ITPK1: variants seen among roughly 807,000 people sequenced by gnomAD.
The protein encoded by ITPK1 is inositol-tetrakisphosphate 1-kinase, also known as inositol 1,3,4-trisphosphate 5/6-kinase.
ITPK1 carries 21 observed loss-of-function variants against 45.3 expected under a neutral mutation model. The observed-to-expected ratio is 0.46, with a 90% CI of 0.33 to 0.67. The LOEUF is 0.67. ITPK1 is among the 30% of genes least tolerant of loss of function. ITPK1 has a pLI of 0.02. For missense variants in ITPK1, 474 were observed against 573.5 expected (o/e 0.83, Z 1.77); for synonymous variants, 258 against 253.6 (o/e 1.02, Z -0.16).
intron 5 of ITPK1, among the ~76,000 whole-genome samples, chr14:92,993,527 G>A (rs919308155): frequency 6.6e-6 from 1 of 152,124 alleles, no homozygotes; most frequent in Non-Finnish European, 1.5e-5. Context: ...TGTCCTCCGC[G>A]CAGTTACGTA....
At chr14:93,028,267 G>A (rs558102466) in intron 3 of ITPK1, among the ~76,000 whole-genome samples, 3 of 152,326 alleles carry the variant, frequency 2.0e-5, no homozygotes, top group South Asian at 4.1e-4. Flanking sequence ...ATAACCTGAT[G>A]GAGTGAACAC....
At position 93,012,228 on chromosome 14, in the gene ITPK1, T is replaced by C. The variant is rs534681758; in HGVS notation, c.246+4448A>G. Among the ~76,000 whole-genome samples the C allele has an allele frequency of 2.0e-5, 3 of 152,120 alleles. No homozygotes were observed. Among genetic ancestry groups the C allele is most frequent in the African/African-American group, 2.4e-5 (1 of 41,410 alleles). On this transcript the variant is annotated intron_variant, in intron 4 of 10. Coordinates refer to ENST00000267615, the MANE Select transcript of ITPK1 (RefSeq NM_014216.6). The surrounding 1 kb of genome is among the most constrained non-coding windows in gnomAD (Gnocchi z 4.9). The stretch of plus-strand genomic sequence containing the variant: ...GGAGCAGACACAATCCCTGCCGCAG[T>C]GAAGGGACAGACAATAGCCACTGAT...
Position 92,938,680 on chromosome 14 carries a change from G to T in ITPK1, c.*2881C>A. On this transcript the variant is annotated 3_prime_UTR_variant, in exon 11 of 11. Transcript: ENST00000267615. ...GCCATGCTGGGTGACTGCAGGCCCA[G>T]CCCACCCACCACGTGTGGACCCAGA... 1.5e-6 allele frequency: 1 copy of T among 659,512 alleles called. No homozygotes were observed. The highest frequency in any genetic ancestry group is 1.8e-5 in the South Asian group (1 of 56,792). 40.9% of individuals were successfully genotyped at this position (659,512 alleles called of 1,614,324 possible).
chr14:92,996,869 TTTGGGCAAGTCAC>T (rs1243147713), intron 4 of ITPK1, among the ~76,000 whole-genome samples: 5 of 152,148 alleles, frequency 3.3e-5, no homozygotes, highest in Non-Finnish European at 5.9e-5. Flanking sequence ...CAGAGTCACC[TTTGGGCAAGTCAC>T]TTGGCTTCTC....
At chr14:93,021,592 C>CAAAAAAAAA (rs553457298) in intron 3 of ITPK1, among the ~76,000 whole-genome samples, 10 of 140,184 alleles carry the variant, frequency 7.1e-5, no homozygotes, top group Admixed American at 2.9e-4. Context: ...GACCCTGTCT[C>CAAAAAAAAA]AAAAAAAAAA....
chr14:92,991,047 G>A (rs928304736), intron 5 of ITPK1, among the ~76,000 whole-genome samples: 20 of 152,190 alleles, frequency 1.3e-4, no homozygotes, highest in African/African-American at 2.4e-4. Flanking sequence ...GGTGACAACC[G>A]GAGGAAGTCT....
rs1354493917 is a variant in ITPK1, at chr14:92,941,790, C to G, written c.1016G>C (p.Ser339Thr). The G allele has an allele frequency of 6.2e-7, 1 of 1,610,532 alleles. No homozygotes were observed. Among genetic ancestry groups the G allele is most frequent in the African/African-American group, 1.3e-5 (1 of 74,914 alleles). Residue 339 changes from serine to threonine, a missense_variant, in exon 11 of 11, where the codon AGC (serine) becomes ACC (threonine). Around this residue, in one of 2 missense-constraint regions of ITPK1, gnomAD observed 367 missense variants for 480.6 expected, o/e 0.76. Coordinates refer to ENST00000267615, the MANE Select transcript of ITPK1 (RefSeq NM_014216.6). The part of the protein sequence containing the change: ...ATGDVALLRH[S>T]KLLAEPAGGL... The stretch of plus-strand genomic sequence containing the variant: ...GCCCGCCGGCTCGGCCAGAAGCTTG[C>G]TGTGCCTCAGCAGGGCCACGTCCCC...
At chr14:93,027,963 G>C (rs1302617757) in intron 3 of ITPK1, among the ~76,000 whole-genome samples, 1 of 152,212 alleles carries the variant, frequency 6.6e-6, no homozygotes, top group Admixed American at 6.5e-5. Flanking sequence ...GGGAAAAAAA[G>C]GGGCTGGTCC....
At chr14:93,024,397 C>T (rs10147739) in intron 3 of ITPK1, among the ~76,000 whole-genome samples, 54,692 of 152,106 alleles carry the variant, frequency 0.36, 10,364 homozygotes, top group Non-Finnish European at 0.41. Context: ...CCTGCTTCCT[C>T]GCCTGTGGAG....
chr14:93,032,885 C>A lies in ITPK1; in HGVS notation c.121-16084G>T, dbSNP rs1382862735. Among the ~76,000 whole-genome samples the A allele has an allele frequency of 6.6e-6, 1 of 152,152 alleles. No homozygotes were observed. Among genetic ancestry groups the A allele is most frequent in the Non-Finnish European group, 1.5e-5 (1 of 68,008 alleles). Reference sequence around the variant, plus strand: ...AGGCCAGCACGGATCGGATCGTGCACCCTGCAAAGCCAGCCCTTTTCTCTA... The same window carrying A: ...AGGCCAGCACGGATCGGATCGTGCAACCTGCAAAGCCAGCCCTTTTCTCTA... On this transcript the variant is annotated intron_variant, in intron 3 of 10. Transcript: ENST00000267615. This position sits in a 1 kb window ranked among gnomAD's most constrained non-coding sequence, Gnocchi z 4.0.
intron 2 of ITPK1, among the ~76,000 whole-genome samples, chr14:93,099,087 C>T (rs556032344): frequency 3.3e-5 from 5 of 152,200 alleles, no homozygotes; most frequent in Non-Finnish European, 5.9e-5. Flanking sequence ...AGCCACTCAC[C>T]GTTCATTTCC....
intron 4 of ITPK1, among the ~76,000 whole-genome samples, chr14:93,011,212 C>T (rs147616397): frequency 3.3e-5 from 5 of 152,334 alleles, no homozygotes; most frequent in South Asian, 4.1e-4. Flanking sequence ...TCTGCCATGA[C>T]GGCTGTCATT....
intron 8 of ITPK1, among the ~76,000 whole-genome samples, chr14:92,957,432 G>A (rs1163494418): frequency 6.6e-6 from 1 of 152,250 alleles, no homozygotes; most frequent in Non-Finnish European, 1.5e-5. Flanking sequence ...TCCACTGCCA[G>A]CAAATCTTTA....
chr14:92,961,147 C>T (rs562373760), intron 7 of ITPK1, among the ~76,000 whole-genome samples: 14 of 152,364 alleles, frequency 9.2e-5, no homozygotes, highest in Non-Finnish European at 1.8e-4. Flanking sequence ...CAAGGACAAG[C>T]CTTCCCCAGA....
chr14:93,075,852 G>A (rs1395547016), intron 3 of ITPK1, among the ~76,000 whole-genome samples: 2 of 140,656 alleles, frequency 1.4e-5, no homozygotes, highest in African/African-American at 3.1e-5. Flanking sequence ...CAGCCCAGCT[G>A]CACAGACCAC....
At chr14:92,950,197 C>G (rs932101226) in intron 9 of ITPK1, among the ~76,000 whole-genome samples, 1 of 152,258 alleles carries the variant, frequency 6.6e-6, no homozygotes, top group Admixed American at 6.5e-5. Flanking sequence ...CTAGGCCCAT[C>G]CGCAGGGGCA....
At chr14:93,111,547 C>T (rs1055313563) in intron 2 of ITPK1, among the ~76,000 whole-genome samples, 1 of 151,982 alleles carries the variant, frequency 6.6e-6, no homozygotes, top group African/African-American at 2.4e-5. Flanking sequence ...TCCATCTCCA[C>T]TAAAAATACA....
intron 4 of ITPK1, among the ~76,000 whole-genome samples, chr14:93,009,969 C>G (rs572707679): frequency 3.3e-4 from 50 of 152,320 alleles, no homozygotes; most frequent in East Asian, 3.3e-3. Context: ...CAGTTGTCTC[C>G]TCCTGAAAAA....
intron 5 of ITPK1, among the ~76,000 whole-genome samples, chr14:92,990,605 A>T (rs1886731726): frequency 6.6e-6 from 1 of 152,232 alleles, no homozygotes; most frequent in Non-Finnish European, 1.5e-5. Flanking sequence ...GAATGAGACA[A>T]GAATGAGCTC....
Sources: allele counts gnomAD v4.1 joint callset (sites outside exome capture counted in the v4.1 genomes callset), GRCh38; gene constraint gnomAD v4.1.1; regional missense constraint gnomAD v4.1.1; non-coding constraint Gnocchi (gnomAD v3.1); transcripts MANE v1.5; gene names NCBI Gene and HGNC (gene_info 2026-07-23, HGNC 2026-07-21).